TGIF1: variants seen among roughly 807,000 people sequenced by gnomAD.
TGIF1 encodes the protein homeobox protein TGIF1.
TGIF1 carries 4 observed loss-of-function variants against 19.3 expected under a neutral mutation model. The observed-to-expected ratio is 0.21, with a 90% confidence interval of 0.10 to 0.47. The LOEUF is 0.47. TGIF1 is among the 20% of genes least tolerant of loss of function. The pLI is 0.98. For missense variants in TGIF1, 275 were observed against 341.4 expected (o/e 0.81, Z 1.53); for synonymous variants, 122 against 129.3 (o/e 0.94, Z 0.38).
At chr18:3,443,464 G>A (rs1204188027) in intron 2 of TGIF1, among the ~76,000 whole-genome samples, 1 of 151,722 alleles carries the variant, frequency 6.6e-6, no homozygotes, top group Non-Finnish European at 1.5e-5. Context: ...CTGGACAACA[G>A]TGGTGCAATA....
chr18:3,450,163 G>T, upstream of TGIF1: 1 of 1,269,866 alleles, frequency 7.9e-7, no homozygotes, highest in Non-Finnish European at 1.0e-6. Flanking sequence ...TTCCCTCCTC[G>T]CCTCTCTCAC....
chr18:3,413,849 CAA>C (rs1216417418), intron 1 of TGIF1, among the ~76,000 whole-genome samples: 4 of 152,072 alleles, frequency 2.6e-5, no homozygotes, highest in African/African-American at 9.7e-5. Context: ...ATAAAAATAA[CAA>C]GAGTGATACA....
chr18:3,449,078 TTTC>T (rs1363766817), upstream of TGIF1, among the ~76,000 whole-genome samples: 1 of 151,932 alleles, frequency 6.6e-6, no homozygotes, highest in African/African-American at 2.4e-5. Flanking sequence ...GGGGCATGCG[TTTC>T]TTCAAGTCAG....
At chr18:3,422,673 C>CTTTTTTGTTTTTT (rs1481496826) in intron 2 of TGIF1, among the ~76,000 whole-genome samples, 2 of 24,670 alleles carry the variant, frequency 8.1e-5, no homozygotes, top group South Asian at 1.7e-3. Context: ...TATAGGTGGC[C>CTTTTTTGTTTTTT]TTTTTTTTTT....
chr18:3,415,944 T>C (rs2082326826), intron 1 of TGIF1, among the ~76,000 whole-genome samples: 2 of 152,334 alleles, frequency 1.3e-5, no homozygotes, highest in African/African-American at 4.8e-5. Context: ...CTCTGGAATA[T>C]ACCAAAGCTA....
In TGIF1 at chr18:3,451,572, C is replaced by G. The variant is rs1402695210; in HGVS notation, c.16+1067C>G. The stretch of plus-strand genomic sequence containing the variant: ...CGGCGCTACTGCGCATGCCCGGGAG[C>G]CGCCTGGAGTTTGGAACTCCACATT... On this transcript the variant is annotated intron_variant, in intron 1 of 2. Coordinates refer to ENST00000343820, the MANE Select transcript of TGIF1 (RefSeq NM_003244.4). The surrounding 1 kb of genome is among the most constrained non-coding windows in gnomAD (Gnocchi z 5.4). 3 of 1,022,138 alleles carry G rather than the reference C, an allele frequency of 2.9e-6. No homozygotes were observed. In the African/African-American group the frequency reaches 5.1e-5, roughly 17 times the overall value. 63.3% of individuals were successfully genotyped at this position (1,022,138 alleles called of 1,614,324 possible).
chr18:3,450,112 C>G, upstream of TGIF1: 1 of 838,110 alleles, frequency 1.2e-6, no homozygotes, highest in South Asian at 4.0e-5. Flanking sequence ...GGGAGGGGGA[C>G]GGGGCGGGCG....
Position 3,451,395 on chromosome 18 carries a change from T to TTTCA in TGIF1, c.16+890_16+891insTTCA. 1.0e-6 allele frequency: 1 copy of TTTCA among 982,864 alleles called. No individual in the cohort carries two copies. The highest frequency in any genetic ancestry group is 1.8e-5 in the African/African-American group (1 of 56,116). 60.9% of individuals were successfully genotyped at this position (982,864 alleles called of 1,614,324 possible). ...CACAAAACACCCCGAAAGGTCAGAG[T>TTTCA]GTGAAGTCCCTTTTGAAGTTAACAA... On this transcript the variant is annotated intron_variant, in intron 1 of 2. Coordinates refer to ENST00000343820, the MANE Select transcript of TGIF1 (RefSeq NM_003244.4). The surrounding 1 kb of genome is among the most constrained non-coding windows in gnomAD (Gnocchi z 5.4).
intron 2 of TGIF1, among the ~76,000 whole-genome samples, chr18:3,443,410 C>CT (rs764806240): frequency 1.4e-3 from 202 of 145,386 alleles, no homozygotes; most frequent in Admixed American, 2.6e-3. Flanking sequence ...GATAATAATA[C>CT]TTTTTTTTTT....
intron 2 of TGIF1, among the ~76,000 whole-genome samples, chr18:3,424,363 G>GT (rs1302975402): frequency 1.8e-4 from 28 of 152,164 alleles, no homozygotes; most frequent in African/African-American, 6.0e-4. Flanking sequence ...ATGCAGTCAA[G>GT]TTTTTACTGT....
At chr18:3,418,675 T>A (rs2082363117) in intron 2 of TGIF1, 1 of 152,200 alleles carries the variant, frequency 6.6e-6, no homozygotes, top group African/African-American at 2.4e-5. Flanking sequence ...TGTGTGTGTG[T>A]GTATTCAGCT....
At chr18:3,441,189 T>C (rs1186192748) in intron 2 of TGIF1, among the ~76,000 whole-genome samples, 1 of 152,242 alleles carries the variant, frequency 6.6e-6, no homozygotes, top group Non-Finnish European at 1.5e-5. Context: ...TTAAGTCAAT[T>C]GGGCTTATGC....
Position 3,456,844 on chromosome 18 carries a change from C to CT in TGIF1, c.243+266dup. The stretch of plus-strand genomic sequence containing the variant: ...AACAGACATTAAAAGGAGGTTAAAC[C>CT]TTACTCTATTGTCCAGGAAACTGGT... On this transcript the variant is annotated intron_variant, in intron 2 of 2. Coordinates refer to ENST00000343820, the MANE Select transcript of TGIF1 (RefSeq NM_003244.4). The surrounding 1 kb of genome is among the most constrained non-coding windows in gnomAD (Gnocchi z 4.2). 1.6e-6 allele frequency: 1 copy of CT among 615,230 alleles called. No individual in the cohort carries two copies. The highest frequency in any genetic ancestry group is 2.0e-5 in the South Asian group (1 of 50,602). 38.1% of individuals were successfully genotyped at this position (615,230 alleles called of 1,614,324 possible).
In TGIF1 at chr18:3,427,479, A is replaced by G. The variant is rs1162937332; in HGVS notation, c.-45+9264A>G. ...GCTAATTTTTGTATTTTTAGTAGAGACGGGGTTTCCCAGGTTGGCTAGGCT... is the reference window on the plus strand; with the variant it reads ...GCTAATTTTTGTATTTTTAGTAGAGGCGGGGTTTCCCAGGTTGGCTAGGCT... On this transcript the variant is annotated intron_variant, in intron 2 of 3. Transcript: ENST00000401449. Among the ~76,000 whole-genome samples the G allele has an allele frequency of 6.5e-5, 8 of 123,240 alleles. No individual in the cohort carries two copies. The East Asian group carries it at 1.6e-3, about 24-fold the overall frequency. The allele number at this position is 123,240 out of a possible 152,430, so 80.9% of individuals were successfully genotyped here. A position where few individuals can be genotyped will look rare whatever the true frequency, so the allele number is the denominator to read the frequency against.
Position 3,459,782 on chromosome 18 carries a change from T to C in TGIF1, c.*1842T>C, listed in dbSNP as rs962270956. 9 of 152,330 alleles carry C rather than the reference T, an allele frequency of 5.9e-5. No homozygotes were observed. The highest frequency in any genetic ancestry group is 1.3e-4 in the Admixed American group (2 of 15,300). The allele number at this position is 152,330 out of a possible 1,614,324, so 9.4% of individuals were successfully genotyped here. On this transcript the variant is annotated 3_prime_UTR_variant, in exon 3 of 3. Transcript: ENST00000343820. Reference sequence around the variant, plus strand: ...CTTAAATTCCCTATGTTTTACTTCATTTTTTCCCTATTGAGGTTGTTACAG... The same window carrying C: ...CTTAAATTCCCTATGTTTTACTTCACTTTTTCCCTATTGAGGTTGTTACAG...
At chr18:3,415,218 G>A (rs1182141291) in intron 1 of TGIF1, 12 of 225,326 alleles carry the variant, frequency 5.3e-5, no homozygotes, top group Middle Eastern at 6.1e-4. Flanking sequence ...AGCCAGGCCC[G>A]TTTGGCAGCT....
chr18:3,436,451 G>A (rs9949773), intron 2 of TGIF1, among the ~76,000 whole-genome samples: 109,894 of 152,172 alleles, frequency 0.72, 39,989 homozygotes, highest in East Asian at 0.91. Context: ...CTTTGTTTCT[G>A]TGAACATTCA....
At chr18:3,415,201 G>T in intron 1 of TGIF1, 1 of 219,308 alleles carries the variant, frequency 4.6e-6, no homozygotes, top group Non-Finnish European at 9.8e-6. Context: ...TCCTGGAGTG[G>T]CTCAAGAGCC....
upstream of TGIF1, chr18:3,448,176 G>T (rs908199118): frequency 6.1e-6 from 6 of 984,960 alleles, no homozygotes; most frequent in Admixed American, 3.7e-4. Context: ...CAAACAAAGC[G>T]TCTCCCCAGT....
Sources: gnomAD v4.1 joint callset for allele counts (sites outside exome capture counted in the v4.1 genomes callset) on GRCh38, gnomAD v4.1.1 for gene constraint, Gnocchi (gnomAD v3.1) non-coding constraint, MANE v1.5 for transcripts, NCBI Gene and HGNC (gene_info 2026-07-23, HGNC 2026-07-21) for gene names.